MALRD1: variants seen among roughly 807,000 people sequenced by gnomAD.
MALRD1 encodes the protein MAM and LDL-receptor class A domain-containing protein 1.
In MALRD1, 247 loss-of-function variants were observed where a neutral mutation model predicts 242.1. That is an observed-to-expected ratio of 1.02 (90% CI 0.92 to 1.13). MALRD1 has a LOEUF of 1.13. Ranked by LOEUF, MALRD1 falls within the 50% of genes most tolerant of loss-of-function variation. The pLI is 0.00. For synonymous variants in MALRD1, 995 were observed against 866.6 expected (o/e 1.15, Z -2.60); for missense variants, 2,989 against 2,533.1 (o/e 1.18, Z -3.86).
rs1489373465 is a variant in MALRD1 at position 19,719,203 on chromosome 10, T to TATACAC, written c.6315-11500_6315-11499insCACATA. On this transcript the variant is annotated intron_variant, in intron 38 of 39. Transcript: ENST00000454679. ...ATATATATATATACATACATATATATATATATATACACATACATACATATA... is the reference window on the plus strand; with the variant it reads ...ATATATATATATACATACATATATATATACACATATATATACACATACATACATATA... 7.5e-4 allele frequency among the ~76,000 whole-genome samples: 74 copies of TATACAC among 98,276 alleles called. 3 individuals are homozygous for TATACAC. Among genetic ancestry groups the TATACAC allele is most frequent in the African/African-American group, 2.9e-3 (57 of 19,406 alleles). 64.5% of individuals were successfully genotyped at this position (98,276 alleles called of 152,430 possible).
At chr10:19,418,797 C>G (rs1024065643) in intron 28 of MALRD1, among the ~76,000 whole-genome samples, 2 of 152,080 alleles carry the variant, frequency 1.3e-5, no homozygotes, top group South Asian at 2.1e-4. Flanking sequence ...AACCCTTAAG[C>G]CTTTCATAAT....
intron 19 of MALRD1, among the ~76,000 whole-genome samples, chr10:19,264,579 A>G (rs950096995): frequency 6.7e-6 from 1 of 149,734 alleles, no homozygotes; most frequent in African/African-American, 2.5e-5. Flanking sequence ...TCACCCTCCC[A>G]AGTAGCTGGG....
At chr10:19,403,339 A>T (rs940764010) in intron 28 of MALRD1, among the ~76,000 whole-genome samples, 1 of 152,182 alleles carries the variant, frequency 6.6e-6, no homozygotes, top group East Asian at 1.9e-4. Context: ...GACCATATGT[A>T]TTAGGGTTTT....
chr10:19,306,123 GTA>G (rs80166575), intron 21 of MALRD1, among the ~76,000 whole-genome samples: 19,587 of 112,514 alleles, frequency 0.17, 1,999 homozygotes, highest in African/African-American at 0.26. Flanking sequence ...ATACTATCTA[GTA>G]TATATAGTAT....
intron 18 of MALRD1, among the ~76,000 whole-genome samples, chr10:19,255,072 C>A (rs11009150): frequency 2.0e-5 from 3 of 151,958 alleles, no homozygotes; most frequent in Non-Finnish European, 4.4e-5. Context: ...CAAGGCCAGT[C>A]TGTCTTTACG....
At chr10:19,613,867 T>TAC (rs201370454) in intron 35 of MALRD1, among the ~76,000 whole-genome samples, 1,892 of 152,136 alleles carry the variant, frequency 0.012, 17 homozygotes, top group East Asian at 0.035. Context: ...TGTTCACCTT[T>TAC]ACACACACAC....
At chr10:19,687,654 G>A (rs1375125291) in intron 36 of MALRD1, among the ~76,000 whole-genome samples, 2 of 152,078 alleles carry the variant, frequency 1.3e-5, no homozygotes, top group African/African-American at 2.4e-5. Context: ...TATCCCTTCA[G>A]GATTAGACAT....
chr10:19,692,336 TAC>T lies in MALRD1; in HGVS notation c.6194_6195del (p.Thr2065ArgfsTer8). The T allele has an allele frequency of 1.3e-6, 2 of 1,535,548 alleles. No individual in the cohort carries two copies. Among genetic ancestry groups the T allele is most frequent in the Non-Finnish European group, 1.7e-6 (2 of 1,146,544 alleles). On this transcript the variant is annotated frameshift_variant, in exon 37 of 40. Transcript: ENST00000454679. LOFTEE classifies it high-confidence loss of function. ...GCCATATCAAGTTTAATCCTCCTGCTACAGACTTCACATACGCTCAGAATAGT... is the reference window on the plus strand; with the variant it reads ...GCCATATCAAGTTTAATCCTCCTGCTAGACTTCACATACGCTCAGAATAGT... ...RCHIKFNPPA[T>X]DFTYAQNNTW... is the part of the protein sequence containing the mutation.
At chr10:19,174,652 AAAATT>A (rs113423188) in intron 13 of MALRD1, among the ~76,000 whole-genome samples, 1,887 of 152,300 alleles carry the variant, frequency 0.012, 42 homozygotes, top group African/African-American at 0.043. Context: ...AGAATAAACT[AAAATT>A]AAATAGATGT....
chr10:19,294,773 A>G (rs1416349037), intron 21 of MALRD1, among the ~76,000 whole-genome samples: 1 of 152,124 alleles, frequency 6.6e-6, no homozygotes, highest in Non-Finnish European at 1.5e-5. Context: ...TAGCTTTTTT[A>G]TTGCTACAAA....
intron 36 of MALRD1, among the ~76,000 whole-genome samples, chr10:19,674,715 GT>G (rs1018733987): frequency 3.3e-5 from 5 of 152,014 alleles, no homozygotes; most frequent in African/African-American, 1.2e-4. Flanking sequence ...TCAAAAACCT[GT>G]TTCTTGGAAG....
intron 31 of MALRD1, among the ~76,000 whole-genome samples, chr10:19,530,043 G>A (rs181139976): frequency 4.0e-4 from 60 of 151,806 alleles, no homozygotes; most frequent in East Asian, 3.5e-3. Flanking sequence ...TTAACAAACC[G>A]ATTCTAAAGA....
chr10:19,180,234 A>G (rs1184964592), intron 14 of MALRD1, among the ~76,000 whole-genome samples: 1 of 152,182 alleles, frequency 6.6e-6, no homozygotes, highest in East Asian at 1.9e-4. Flanking sequence ...CAAAACATAC[A>G]TGAGAATGAT....
intron 6 of MALRD1, among the ~76,000 whole-genome samples, chr10:19,123,894 G>A (rs1415170777): frequency 6.6e-6 from 1 of 152,014 alleles, no homozygotes. Context: ...AGTAGATAAG[G>A]TAAAATATAA....
At chr10:19,221,915 C>A (rs1837570227) in intron 18 of MALRD1, among the ~76,000 whole-genome samples, 1 of 151,910 alleles carries the variant, frequency 6.6e-6, no homozygotes, top group Non-Finnish European at 1.5e-5. Flanking sequence ...GAGAGAGGAA[C>A]AAGAAAACAC....
intron 36 of MALRD1, among the ~76,000 whole-genome samples, chr10:19,663,032 AT>A (rs2131737703): frequency 6.6e-6 from 1 of 152,044 alleles, no homozygotes; most frequent in South Asian, 2.1e-4. Context: ...TATTTTATTT[AT>A]TTTTATAGAT....
chr10:19,052,169 A>C (rs1236760412), intron 1 of MALRD1: 6 of 427,568 alleles, frequency 1.4e-5, no homozygotes, highest in Non-Finnish European at 2.7e-5. Context: ...TGTCTAAAGA[A>C]AATAAACAGT....
chr10:19,262,833 CTG>C (rs1297006611), intron 19 of MALRD1, among the ~76,000 whole-genome samples: 1 of 152,168 alleles, frequency 6.6e-6, no homozygotes, highest in Non-Finnish European at 1.5e-5. Context: ...CCTCTGTACT[CTG>C]TTCTGTGAGT....
intron 31 of MALRD1, among the ~76,000 whole-genome samples, chr10:19,530,418 AATAAATATATAAT>A (rs1437809557): frequency 8.4e-5 from 7 of 83,726 alleles, no homozygotes; most frequent in African/African-American, 4.4e-4. Flanking sequence ...TTTATATAAT[AATAAATATATAAT>A]ATATATAATA....
Sources: gnomAD v4.1 joint callset for allele counts (sites outside exome capture counted in the v4.1 genomes callset) on GRCh38, gnomAD v4.1.1 for gene constraint, MANE v1.5 for transcripts, NCBI Gene and HGNC (gene_info 2026-07-23, HGNC 2026-07-21) for gene names.